The following GSAP variants were observed in gnomAD, a reference collection of about 807,000 sequenced individuals.
GSAP encodes gamma-secretase activating protein, also known as gamma-secretase-activating protein.
GSAP carries 118 observed loss-of-function variants against 131.7 expected under a neutral mutation model. That is an observed-to-expected ratio of 0.90 (90% CI 0.77 to 1.04). The LOEUF (loss-of-function observed/expected upper bound fraction) is 1.04. GSAP is among the 50% of genes least tolerant of loss of function. GSAP has a pLI of 0.00. For synonymous variants in GSAP, 381 were observed against 363.4 expected (o/e 1.05, Z -0.55); for missense variants, 1,019 against 1,013.2 (o/e 1.01, Z -0.08).
intron 6 of GSAP, 88 bp from the exon 7 acceptor site, chr7:77,382,731 C>T (rs1253178907): frequency 1.4e-6 from 1 of 698,378 alleles, no homozygotes; most frequent in Non-Finnish European, 2.6e-6. Flanking sequence ...TGTACTATTA[C>T]ATACCATTGA....
chr7:77,408,278 C>T (rs1394712181), intron 1 of GSAP, among the ~76,000 whole-genome samples: 1 of 152,202 alleles, frequency 6.6e-6, no homozygotes. Context: ...AACTGACCAT[C>T]TTTCTTCTAA....
chr7:77,402,776 A>G (rs1801605515), intron 3 of GSAP, among the ~76,000 whole-genome samples: 1 of 151,302 alleles, frequency 6.6e-6, no homozygotes, highest in South Asian at 2.1e-4. Flanking sequence ...ACTACGGTTC[A>G]GAAGAAAAAT....
chr7:77,414,907 G>C (rs1454547735), intron 1 of GSAP, among the ~76,000 whole-genome samples: 4 of 123,938 alleles, frequency 3.2e-5, no homozygotes, highest in African/African-American at 6.1e-5. Context: ...GCCCAGGCTG[G>C]AGTGCAGTGG....
intron 1 of GSAP, among the ~76,000 whole-genome samples, chr7:77,414,537 A>T (rs1803919452): frequency 6.6e-6 from 1 of 152,218 alleles, no homozygotes; most frequent in Admixed American, 6.5e-5. Flanking sequence ...GTACCTTCTG[A>T]GGACCTAGAG....
chr7:77,333,449 C>T (rs1463436508), intron 19 of GSAP, among the ~76,000 whole-genome samples: 1 of 152,192 alleles, frequency 6.6e-6, no homozygotes, highest in African/African-American at 2.4e-5. Flanking sequence ...TTGGAACCAC[C>T]TGGGTCCCAT....
chr7:77,369,651 CCA>C (rs1418113349), intron 12 of GSAP, among the ~76,000 whole-genome samples: 2 of 152,220 alleles, frequency 1.3e-5, no homozygotes, highest in African/African-American at 2.4e-5. Flanking sequence ...CTTTCATGAA[CCA>C]CAGTTTCTGG....
chr7:77,342,046 C>T (rs1029396210), intron 19 of GSAP, among the ~76,000 whole-genome samples: 33 of 152,202 alleles, frequency 2.2e-4, no homozygotes, highest in African/African-American at 6.5e-4. Flanking sequence ...CCCATCTATG[C>T]GGGACCCCAC....
chr7:77,389,530 G>A (rs113811698), intron 5 of GSAP, among the ~76,000 whole-genome samples: 15,773 of 149,442 alleles, frequency 0.11, 978 homozygotes, highest in South Asian at 0.2. Context: ...GAGAACACGC[G>A]GTGTTTGGTT....
At chr7:77,359,603 G>T (rs1053630027) in intron 14 of GSAP, among the ~76,000 whole-genome samples, 3 of 152,108 alleles carry the variant, frequency 2.0e-5, no homozygotes, top group Admixed American at 6.6e-5. Flanking sequence ...GTTTTAAACT[G>T]GGCTATGATT....
intron 26 of GSAP, among the ~76,000 whole-genome samples, chr7:77,317,024 G>A (rs1031626596): frequency 1.3e-5 from 2 of 152,116 alleles, no homozygotes; most frequent in African/African-American, 4.8e-5. Context: ...CAATAGGCCT[G>A]GAAAGCAAGC....
intron 26 of GSAP, chr7:77,316,189 G>A (rs1308136919): frequency 2.6e-5 from 4 of 152,224 alleles, no homozygotes; most frequent in East Asian, 1.9e-4. Flanking sequence ...GCCTGAACGT[G>A]GATAAGAGGT....
chr7:77,311,538 C>T, intron 30 of GSAP, 89 bp from the exon 31 acceptor site: 3 of 674,270 alleles, frequency 4.4e-6, no homozygotes, highest in Non-Finnish European at 7.9e-6. Flanking sequence ...TCATTAAAAT[C>T]ATAATTGTAT....
intron 3 of GSAP, among the ~76,000 whole-genome samples, chr7:77,397,951 A>G (rs1289707216): frequency 6.6e-6 from 1 of 152,182 alleles, no homozygotes; most frequent in East Asian, 1.9e-4. Flanking sequence ...GGCCTTTCAT[A>G]TTTAGAGGAC....
chr7:77,374,286 C>A, intron 11 of GSAP, 131 bp from the exon 12 acceptor site: 1 of 549,622 alleles, frequency 1.8e-6, no homozygotes, highest in Non-Finnish European at 3.2e-6. Context: ...AAGTAGATAA[C>A]TTTTTTTGGT....
At chr7:77,365,962 T>C (rs112868554) in intron 12 of GSAP, among the ~76,000 whole-genome samples, 49 of 150,644 alleles carry the variant, frequency 3.3e-4, no homozygotes, top group African/African-American at 1.1e-3. Context: ...TGAGATGGTA[T>C]CTCATTGTAA....
chr7:77,350,138 T>G (rs944174664), intron 18 of GSAP, among the ~76,000 whole-genome samples: 1 of 151,062 alleles, frequency 6.6e-6, no homozygotes, highest in African/African-American at 2.4e-5. Context: ...ATGGATGAAA[T>G]TGGAAATCAT....
chr7:77,359,102 G>A (rs1794171774), intron 14 of GSAP, among the ~76,000 whole-genome samples: 1 of 152,140 alleles, frequency 6.6e-6, no homozygotes, highest in Non-Finnish European at 1.5e-5. Context: ...CAGAGGTGGA[G>A]GTTGCAGTGG....
At chr7:77,364,608 C>T (rs967975545) in intron 12 of GSAP, among the ~76,000 whole-genome samples, 1 of 151,776 alleles carries the variant, frequency 6.6e-6, no homozygotes, top group Non-Finnish European at 1.5e-5. Flanking sequence ...ACCAGCATGG[C>T]ACATTTATAC....
Position 77,355,434 on chromosome 7 carries a change from G to C in GSAP, c.1121-4C>G. 1.4e-6 allele frequency: 2 copies of C among 1,424,778 alleles called. No homozygotes were observed. Among genetic ancestry groups the C allele is most frequent in the Admixed American group, 2.3e-5 (1 of 42,592 alleles). 88.3% of individuals were successfully genotyped at this position (1,424,778 alleles called of 1,614,324 possible). ...ATATCAATCATTTCATTATTTCCTG[G>C]CAAAAAAAAAAAAAACAGTAGATCA... On this transcript the variant is annotated splice_region_variant and splice_polypyrimidine_tract_variant and intron_variant, in intron 15 of 30. Coordinates refer to ENST00000257626, the MANE Select transcript of GSAP (RefSeq NM_017439.4).
Sources: gnomAD v4.1 joint callset for allele counts (sites outside exome capture counted in the v4.1 genomes callset) on GRCh38, gnomAD v4.1.1 for gene constraint, MANE v1.5 for transcripts, NCBI Gene and HGNC (gene_info 2026-07-23, HGNC 2026-07-21) for gene names.